GNA14: variants seen among roughly 807,000 people sequenced by gnomAD.
GNA14 encodes the protein G protein subunit alpha 14, also known as guanine nucleotide-binding protein subunit alpha-14.
A neutral mutation model predicts 42.0 loss-of-function variants in GNA14; 50 were observed. The observed-to-expected ratio is 1.19, with a 90% CI of 0.95 to 1.51. The LOEUF is 1.51. Among genes scored for constraint, GNA14 ranks in the 40% most tolerant of loss-of-function variants. The pLI is 0.00. For missense variants in GNA14, 473 were observed against 446.2 expected (o/e 1.06, Z -0.54); for synonymous variants, 173 against 163.1 (o/e 1.06, Z -0.46).
At chr9:77,535,310 G>A (rs966490513) in intron 1 of GNA14, among the ~76,000 whole-genome samples, 1 of 152,148 alleles carries the variant, frequency 6.6e-6, no homozygotes, top group Admixed American at 6.5e-5. Context: ...AGGCGGAGGC[G>A]GAGGCGGGAG....
rs187755950 is a variant in GNA14 at position 77,440,680 on chromosome 9, G to C, written c.310-6158C>G. 3.9e-5 allele frequency among the ~76,000 whole-genome samples: 6 copies of C among 152,186 alleles called. 1 individual carries two copies. In the East Asian group the frequency reaches 1.2e-3, roughly 29 times the overall value. Reference sequence around the variant, plus strand: ...TCACATGCTTATTGTTTTGTAGTGAGAACACTTAAAATCTACTCCCTTAGC... The same window carrying C: ...TCACATGCTTATTGTTTTGTAGTGACAACACTTAAAATCTACTCCCTTAGC... On this transcript the variant is annotated intron_variant, in intron 2 of 6. Transcript: ENST00000341700.
At chr9:77,626,688 A>C (rs1824017227) in intron 1 of GNA14, among the ~76,000 whole-genome samples, 1 of 152,224 alleles carries the variant, frequency 6.6e-6, no homozygotes, top group Non-Finnish European at 1.5e-5. Context: ...ATTTGAAAGC[A>C]ATGAGTACAC....
chr9:77,576,580 G>A (rs1823131120), intron 1 of GNA14, among the ~76,000 whole-genome samples: 1 of 151,742 alleles, frequency 6.6e-6, no homozygotes, highest in Non-Finnish European at 1.5e-5. Context: ...ATGGTGTCAG[G>A]GAACTCTAAT....
At chr9:77,521,282 A>T (rs1837351217) in intron 2 of GNA14, among the ~76,000 whole-genome samples, 1 of 152,176 alleles carries the variant, frequency 6.6e-6, no homozygotes, top group Non-Finnish European at 1.5e-5. Context: ...TTCACCAGAG[A>T]ACCAGCAACC....
chr9:77,439,323 C>G (rs538387546), intron 2 of GNA14, among the ~76,000 whole-genome samples: 124 of 152,222 alleles, frequency 8.1e-4, no homozygotes, highest in African/African-American at 2.6e-3. Flanking sequence ...TCTGTAGATC[C>G]TTAACAATGT....
At chr9:77,439,234 G>A (rs1835687216) in intron 2 of GNA14, among the ~76,000 whole-genome samples, 1 of 152,166 alleles carries the variant, frequency 6.6e-6, no homozygotes, top group Non-Finnish European at 1.5e-5. Context: ...GGACAGGGAG[G>A]AATGAGGAAG....
intron 1 of GNA14, among the ~76,000 whole-genome samples, chr9:77,577,214 C>A (rs923410524): frequency 6.6e-6 from 1 of 152,154 alleles, no homozygotes; most frequent in Admixed American, 6.5e-5. Flanking sequence ...TACTTACAAC[C>A]AAGCTAAATG....
chr9:77,452,562 GTGTGTGTGTA>G (rs901320867), intron 2 of GNA14, among the ~76,000 whole-genome samples: 1 of 142,040 alleles, frequency 7.0e-6, no homozygotes, highest in African/African-American at 2.7e-5. Flanking sequence ...GTGTGTGTGT[GTGTGTGTGTA>G]TGTGCATGTG....
intron 2 of GNA14, among the ~76,000 whole-genome samples, chr9:77,460,677 G>A (rs1041824378): frequency 6.6e-6 from 1 of 152,114 alleles, no homozygotes; most frequent in Admixed American, 6.6e-5. Context: ...TACGCAGGAA[G>A]CAAAGAGAAA....
chr9:77,610,227 C>A (rs1026385783), intron 1 of GNA14, among the ~76,000 whole-genome samples: 1 of 152,164 alleles, frequency 6.6e-6, no homozygotes, highest in Non-Finnish European at 1.5e-5. Flanking sequence ...TTACCTACAT[C>A]CCCCACCTCC....
chr9:77,642,192 T>C (rs1824278326), intron 1 of GNA14, among the ~76,000 whole-genome samples: 1 of 152,166 alleles, frequency 6.6e-6, no homozygotes, highest in Admixed American at 6.5e-5. Flanking sequence ...TTGCAAAAGG[T>C]ACAGAGGGTA....
intron 2 of GNA14, among the ~76,000 whole-genome samples, chr9:77,459,085 A>C (rs1010124563): frequency 2.0e-5 from 3 of 152,076 alleles, no homozygotes; most frequent in Non-Finnish European, 2.9e-5. Flanking sequence ...AAAATGGCTA[A>C]AGTGGCTGGG....
At chr9:77,472,644 A>C (rs1348436248) in intron 2 of GNA14, among the ~76,000 whole-genome samples, 1 of 152,212 alleles carries the variant, frequency 6.6e-6, no homozygotes, top group Non-Finnish European at 1.5e-5. Flanking sequence ...GTGTCACCCT[A>C]AAATTAAAAT....
At chr9:77,515,325 CAG>C (rs979336657) in intron 2 of GNA14, among the ~76,000 whole-genome samples, 43 of 152,144 alleles carry the variant, frequency 2.8e-4, no homozygotes, top group African/African-American at 8.9e-4. Flanking sequence ...GAAAGGGAAG[CAG>C]AGAGAGGAGC....
In GNA14 at chr9:77,425,603, A is replaced by C. The variant is rs1374206574; in HGVS notation, c.836T>G (p.Ile279Ser). The change falls in exon 6 of 7, where the codon ATC (isoleucine) becomes AGC (serine). Residue 279 changes from isoleucine to serine, a missense_variant. Physicochemically the swap from Ile to Ser is moderately radical, Grantham distance 142. Coordinates refer to ENST00000341700, the MANE Select transcript of GNA14 (RefSeq NM_004297.4). ...ATAGCTAATTAGATGAGAGTACATG[A>C]TTTTCTCTTCCAAAAGATCCTTCTT... ...LNKKDLLEEKIMYSHLISYFP... is the reference protein window; with the variant it reads ...LNKKDLLEEKSMYSHLISYFP... 1 of 1,609,496 alleles carries C rather than the reference A, an allele frequency of 6.2e-7. No homozygotes were observed.
intron 1 of GNA14, among the ~76,000 whole-genome samples, chr9:77,588,906 A>G (rs1823346346): frequency 3.3e-5 from 5 of 152,166 alleles, no homozygotes; most frequent in Admixed American, 2.6e-4. Context: ...TGCTTTTGCC[A>G]CTGTCTAAAA....
intron 2 of GNA14, among the ~76,000 whole-genome samples, chr9:77,500,314 G>A (rs558707203): frequency 4.0e-4 from 61 of 152,014 alleles, no homozygotes; most frequent in Non-Finnish European, 7.2e-4. Context: ...CACTGTGCCC[G>A]GCCAATAAGG....
At chr9:77,603,551 A>G (rs117162178) in intron 1 of GNA14, among the ~76,000 whole-genome samples, 4,469 of 152,276 alleles carry the variant, frequency 0.029, 96 homozygotes, top group Non-Finnish European at 0.045. Flanking sequence ...GAAAGAGGAA[A>G]TGGAATGAAA....
chr9:77,620,668 G>A (rs1268761479), intron 1 of GNA14, among the ~76,000 whole-genome samples: 3 of 151,974 alleles, frequency 2.0e-5, no homozygotes, highest in East Asian at 1.9e-4. Context: ...CCAGCATGGC[G>A]AAACCCTGTC....
Sources: allele counts gnomAD v4.1 joint callset (sites outside exome capture counted in the v4.1 genomes callset), GRCh38; gene constraint gnomAD v4.1.1; transcripts MANE v1.5; gene names NCBI Gene and HGNC (gene_info 2026-07-23, HGNC 2026-07-21).